SH2D4B: variants seen among roughly 807,000 people sequenced by gnomAD.
The protein encoded by SH2D4B is SH2 domain-containing protein 4B.
SH2D4B carries 45 observed loss-of-function variants against 61.5 expected under a neutral mutation model. The ratio of observed to expected loss-of-function variants is 0.73; its 90% CI spans 0.58 to 0.94. The LOEUF is 0.94. Among genes scored for constraint, SH2D4B ranks in the 40% least tolerant of loss-of-function variants. SH2D4B has a pLI of 0.00. For synonymous variants in SH2D4B, 224 were observed against 220.4 expected, an observed-to-expected ratio of 1.02 and a Z score of -0.14; for missense variants, 572 against 574.2, an observed-to-expected ratio of 1.00 and a Z score of 0.04.
chr10:80,538,346 C>A lies in SH2D4B; in HGVS notation c.15C>A (p.Ile5=). ...CAGGTGGCATCATGCTGCAGCAGAT[C>A]CTGCACGACATGTACATCGACCCCG... The part of the protein sequence containing the change: MLQQ[I]LHDMYIDPEL... The change falls in exon 1 of 8, where the codon ATC becomes ATA. Residue 5 remains isoleucine (I), a synonymous_variant. Transcript: ENST00000646907. The surrounding 1 kb of genome is among the most constrained non-coding windows in gnomAD (Gnocchi z 4.8). The A allele has an allele frequency of 2.9e-6, 4 of 1,359,184 alleles. No homozygotes were observed. The highest frequency in any genetic ancestry group is 3.8e-6 in the Non-Finnish European group (4 of 1,048,318). 84.2% of individuals were successfully genotyped at this position (1,359,184 alleles called of 1,614,324 possible).
intron 3 of SH2D4B, among the ~76,000 whole-genome samples, chr10:80,582,242 G>T (rs1200990172): frequency 7.9e-5 from 12 of 152,200 alleles, no homozygotes; most frequent in Non-Finnish European, 1.8e-4. Context: ...CAGAGTGAAG[G>T]GAGCAGGAGG....
chr10:80,597,985 G>A (rs1842404572), intron 4 of SH2D4B, among the ~76,000 whole-genome samples: 3 of 152,158 alleles, frequency 2.0e-5, no homozygotes, highest in African/African-American at 7.2e-5. Context: ...GAAAGAGGAG[G>A]CAGGTGGAAA....
chr10:80,642,564 A>G (rs1483027764), intron 7 of SH2D4B, among the ~76,000 whole-genome samples: 1 of 152,232 alleles, frequency 6.6e-6, no homozygotes, highest in African/African-American at 2.4e-5. Context: ...GCTGTCATTC[A>G]GATATATCTA....
chr10:80,637,666 C>T (rs1589366263), intron 7 of SH2D4B, among the ~76,000 whole-genome samples: 1 of 152,320 alleles, frequency 6.6e-6, no homozygotes, highest in South Asian at 2.1e-4. Context: ...AGTTGCTTAT[C>T]AGCTTAAGGA....
intron 4 of SH2D4B, among the ~76,000 whole-genome samples, chr10:80,599,120 C>A (rs1376332759): frequency 6.6e-6 from 1 of 152,060 alleles, no homozygotes; most frequent in Non-Finnish European, 1.5e-5. Flanking sequence ...GGTTCCATTT[C>A]CTTTCTTCTT....
chr10:80,612,447 C>T (rs1386904086), intron 6 of SH2D4B, among the ~76,000 whole-genome samples: 1 of 152,102 alleles, frequency 6.6e-6, no homozygotes, highest in African/African-American at 2.4e-5. Context: ...CTATTACACT[C>T]TTCTGGGACC....
intron 1 of SH2D4B, among the ~76,000 whole-genome samples, chr10:80,553,484 A>T (rs2132107940): frequency 6.6e-6 from 1 of 152,208 alleles, no homozygotes; most frequent in South Asian, 2.1e-4. Context: ...GCAGACAGGG[A>T]AGTAGGGGTT....
rs1025000721 is a variant in SH2D4B at position 80,597,188 on chromosome 10, G to A, written c.644-6391G>A. On this transcript the variant is annotated intron_variant, in intron 4 of 7. Transcript: ENST00000646907. ...TTCATGAGAGATGGGGAGTGGAGGA[G>A]GGGTTTCCTTGAACCAATCCCCTGA... Among the ~76,000 whole-genome samples the A allele has an allele frequency of 4.6e-5, 7 of 152,180 alleles. No individual in the cohort carries two copies. In the South Asian group the frequency reaches 1.5e-3, roughly 32 times the overall value.
At chr10:80,594,972 C>T (rs1486738064) in intron 4 of SH2D4B, among the ~76,000 whole-genome samples, 1 of 151,862 alleles carries the variant, frequency 6.6e-6, no homozygotes, top group East Asian at 1.9e-4. Context: ...TTTTTATTCC[C>T]AGTGACCTAG....
At chr10:80,635,254 C>G (rs76226250) in intron 7 of SH2D4B, among the ~76,000 whole-genome samples, 1 of 152,048 alleles carries the variant, frequency 6.6e-6, no homozygotes, top group East Asian at 1.9e-4. Flanking sequence ...TAAGAAGCAA[C>G]GTTTATGTTC....
intron 6 of SH2D4B, among the ~76,000 whole-genome samples, chr10:80,628,214 C>CA (rs1842785405): frequency 6.6e-6 from 1 of 152,196 alleles, no homozygotes; most frequent in African/African-American, 2.4e-5. Context: ...GCTGTGTCCC[C>CA]ACCCAAATTT....
intron 6 of SH2D4B, among the ~76,000 whole-genome samples, chr10:80,628,404 G>A (rs1260310790): frequency 6.6e-6 from 1 of 152,178 alleles, no homozygotes; most frequent in Non-Finnish European, 1.5e-5. Flanking sequence ...CACGTAAGAT[G>A]TGAGTTGTTC....
At chr10:80,608,946 G>T (rs1842555568) in intron 5 of SH2D4B, among the ~76,000 whole-genome samples, 1 of 152,120 alleles carries the variant, frequency 6.6e-6, no homozygotes, top group Non-Finnish European at 1.5e-5. Flanking sequence ...GAGGGGACAA[G>T]ACCCAGAATT....
chr10:80,580,552 A>G (rs547350944), intron 3 of SH2D4B, among the ~76,000 whole-genome samples: 1 of 152,344 alleles, frequency 6.6e-6, no homozygotes, highest in South Asian at 2.1e-4. Context: ...CTTAGGGAAG[A>G]AAGCCTAATG....
chr10:80,620,234 C>T (rs1247820016), intron 6 of SH2D4B, among the ~76,000 whole-genome samples: 1 of 152,170 alleles, frequency 6.6e-6, no homozygotes, highest in Non-Finnish European at 1.5e-5. Flanking sequence ...CGGTTCCCCC[C>T]CTTGCTGTTC....
At chr10:80,627,264 C>T (rs1253061681) in intron 6 of SH2D4B, among the ~76,000 whole-genome samples, 2 of 152,156 alleles carry the variant, frequency 1.3e-5, no homozygotes, top group Non-Finnish European at 2.9e-5. Flanking sequence ...AATCCATTTT[C>T]CACACTTGAA....
chr10:80,577,715 A>G (rs1842142545), intron 3 of SH2D4B, among the ~76,000 whole-genome samples: 1 of 150,506 alleles, frequency 6.6e-6, no homozygotes, highest in South Asian at 2.1e-4. Context: ...TGTGAGCCAC[A>G]GCGCCCGGCC....
chr10:80,572,969 TATATATATATATATA>T (rs1181119702), intron 3 of SH2D4B, among the ~76,000 whole-genome samples: 29 of 9,312 alleles, frequency 3.1e-3, no homozygotes, highest in Non-Finnish European at 4.6e-3. Context: ...TATATATATA[TATATATATATATATA>T]TATTTTTTTT....
At chr10:80,540,378 G>C (rs530771740) in intron 1 of SH2D4B, among the ~76,000 whole-genome samples, 2 of 152,282 alleles carry the variant, frequency 1.3e-5, no homozygotes, top group South Asian at 4.1e-4. Flanking sequence ...TACAGTATCT[G>C]CTTCATGTCC....
Sources: allele counts gnomAD v4.1 joint callset (sites outside exome capture counted in the v4.1 genomes callset), GRCh38; gene constraint gnomAD v4.1.1; non-coding constraint Gnocchi (gnomAD v3.1); transcripts MANE v1.5; gene names NCBI Gene and HGNC (gene_info 2026-07-23, HGNC 2026-07-21).